PTPRD: variants seen among roughly 807,000 people sequenced by gnomAD.
PTPRD encodes the protein receptor-type tyrosine-protein phosphatase delta.
A neutral mutation model predicts 214.5 loss-of-function variants in PTPRD; 34 were observed. That is an observed-to-expected ratio of 0.16 (90% CI 0.12 to 0.21). The LOEUF is 0.21. Ranked by LOEUF, PTPRD falls within the 10% of genes least tolerant of loss-of-function variation. PTPRD has a pLI of 1.00. For missense variants in PTPRD, 2,545 were observed against 2,398.7 expected (o/e 1.06, Z -1.27); for synonymous variants, 1,128 against 845.7 (o/e 1.33, Z -5.79).
chr9:8,526,511 A>T, intron 17 of PTPRD, 116 bp downstream of exon 17: 4 of 890,322 alleles, frequency 4.5e-6, no homozygotes, highest in Middle Eastern at 2.4e-4. Flanking sequence ...CAAAGAAAAA[A>T]AAAAAGTTGA....
At chr9:10,210,797 A>ATAT (rs1491455686) in intron 3 of PTPRD, among the ~76,000 whole-genome samples, 12 of 31,634 alleles carry the variant, frequency 3.8e-4, no homozygotes, top group Non-Finnish European at 7.0e-4. Flanking sequence ...AAAAAACTTC[A>ATAT]TATATATATA....
intron 3 of PTPRD, among the ~76,000 whole-genome samples, chr9:10,218,760 C>A (rs145916434): frequency 6.6e-6 from 1 of 151,702 alleles, no homozygotes; most frequent in African/African-American, 2.4e-5. Context: ...GAGCCTTGGT[C>A]TTGGTGATTT....
chr9:8,844,260 G>C (rs561624010), intron 11 of PTPRD, among the ~76,000 whole-genome samples: 24 of 152,066 alleles, frequency 1.6e-4, no homozygotes, highest in Non-Finnish European at 3.2e-4. Flanking sequence ...AACACTAGTT[G>C]CAAAGAACAT....
intron 20 of PTPRD, 51 bp downstream of exon 20, chr9:8,521,226 C>A (rs1383761893): frequency 6.4e-7 from 1 of 1,552,914 alleles, no homozygotes. Flanking sequence ...AGGCATTAGT[C>A]ACTTGGCTTG....
chr9:10,554,334 C>G (rs1457607050), intron 2 of PTPRD, among the ~76,000 whole-genome samples: 4 of 152,180 alleles, frequency 2.6e-5, no homozygotes, highest in Admixed American at 6.5e-5. Flanking sequence ...AAAATAGAAG[C>G]AGCAAACTAT....
chr9:8,593,619 A>T (rs10511504), intron 14 of PTPRD, among the ~76,000 whole-genome samples: 1 of 152,114 alleles, frequency 6.6e-6, no homozygotes, highest in Non-Finnish European at 1.5e-5. Context: ...AATAGCAGAA[A>T]TGTCTCACAA....
At chr9:9,895,048 A>G (rs2074562772) in intron 5 of PTPRD, among the ~76,000 whole-genome samples, 1 of 152,052 alleles carries the variant, frequency 6.6e-6, no homozygotes. Context: ...TGTGTAAACA[A>G]TGCCTACATA....
At chr9:9,734,225 C>A (rs1199132625) in intron 7 of PTPRD, among the ~76,000 whole-genome samples, 2 of 152,078 alleles carry the variant, frequency 1.3e-5, no homozygotes, top group Non-Finnish European at 2.9e-5. Context: ...CCGCATAATC[C>A]TCTGTCCTAT....
chr9:9,692,769 T>C (rs2097297712), intron 7 of PTPRD, among the ~76,000 whole-genome samples: 1 of 151,922 alleles, frequency 6.6e-6, no homozygotes. Context: ...AACATGAAAA[T>C]TGTTTCCATT....
intron 8 of PTPRD, among the ~76,000 whole-genome samples, chr9:9,464,008 C>T (rs1191699563): frequency 6.6e-6 from 1 of 152,184 alleles, no homozygotes; most frequent in Non-Finnish European, 1.5e-5. Context: ...TTTCTTTCCA[C>T]TCCCTAATTC....
At chr9:8,928,182 G>C (rs934606111) in intron 11 of PTPRD, among the ~76,000 whole-genome samples, 2 of 152,060 alleles carry the variant, frequency 1.3e-5, no homozygotes, top group Non-Finnish European at 2.9e-5. Context: ...AGTTTCTTTT[G>C]CTGTTCAGAA....
chr9:8,790,659 A>G (rs2096193030), intron 11 of PTPRD, among the ~76,000 whole-genome samples: 2 of 152,168 alleles, frequency 1.3e-5, no homozygotes, highest in Admixed American at 1.3e-4. Context: ...ATCTAAGCAT[A>G]CCTTAGTCAC....
chr9:9,485,677 T>C (rs1377760207), intron 8 of PTPRD, among the ~76,000 whole-genome samples: 2 of 152,226 alleles, frequency 1.3e-5, no homozygotes, highest in Admixed American at 6.5e-5. Flanking sequence ...TATTATTTTC[T>C]TCTTTCCTCT....
chr9:10,445,460 A>C (rs1486633881), intron 2 of PTPRD, among the ~76,000 whole-genome samples: 1 of 152,126 alleles, frequency 6.6e-6, no homozygotes, highest in East Asian at 1.9e-4. Flanking sequence ...ACAGAAATGA[A>C]AAGAAAGGAA....
intron 12 of PTPRD, among the ~76,000 whole-genome samples, chr9:8,702,921 T>A (rs995842269): frequency 2.0e-5 from 3 of 152,184 alleles, no homozygotes; most frequent in African/African-American, 7.2e-5. Context: ...GATATACAAT[T>A]TAGTTCAGCC....
chr9:8,654,442 C>A (rs72700321), intron 12 of PTPRD, among the ~76,000 whole-genome samples: 2 of 152,024 alleles, frequency 1.3e-5, no homozygotes, highest in Admixed American at 6.6e-5. Flanking sequence ...ATGGAGTAAA[C>A]GACGAGTTCA....
intron 8 of PTPRD, among the ~76,000 whole-genome samples, chr9:9,483,680 G>A (rs1021326137): frequency 2.6e-5 from 4 of 151,990 alleles, no homozygotes; most frequent in African/African-American, 9.7e-5. Flanking sequence ...ATAATACCAT[G>A]AACATAGAGG....
At chr9:9,008,320 C>G (rs575279811) in intron 11 of PTPRD, among the ~76,000 whole-genome samples, 2 of 151,498 alleles carry the variant, frequency 1.3e-5, no homozygotes, top group Admixed American at 6.6e-5. Flanking sequence ...CTCCGCCTCC[C>G]CAGTTCATGT....
At chr9:10,472,987 A>G (rs1423894752) in intron 2 of PTPRD, among the ~76,000 whole-genome samples, 2 of 152,052 alleles carry the variant, frequency 1.3e-5, no homozygotes, top group African/African-American at 2.4e-5. Context: ...TATTTAATAC[A>G]TTATTTCTTA....
Sources: allele counts gnomAD v4.1 joint callset (sites outside exome capture counted in the v4.1 genomes callset), GRCh38; gene constraint gnomAD v4.1.1; transcripts MANE v1.5; gene names NCBI Gene and HGNC (gene_info 2026-07-23, HGNC 2026-07-21).